Variants in SGCD observed in about 807,000 individuals in gnomAD.
The protein encoded by SGCD is sarcoglycan delta.
A neutral mutation model predicts 36.6 loss-of-function variants in SGCD; 18 were observed. The observed-to-expected ratio is 0.49, with a 90% CI of 0.34 to 0.73. The LOEUF (loss-of-function observed/expected upper bound fraction) is 0.73, where lower values mean the gene tolerates loss of function less well. SGCD is among the 30% of genes least tolerant of loss of function. SGCD has a pLI of 0.01. For synonymous variants in SGCD, 133 were observed against 130.6 expected, an observed-to-expected ratio of 1.02 and a Z score of -0.12; for missense variants, 387 against 346.7, an observed-to-expected ratio of 1.12 and a Z score of -0.92.
chr5:156,004,597 C>T (rs1051069307), intron 1 of SGCD, among the ~76,000 whole-genome samples: 16 of 152,096 alleles, frequency 1.1e-4, no homozygotes, highest in South Asian at 2.1e-4. Flanking sequence ...ACTTTAAAGC[C>T]CAAGTACTTT....
chr5:156,068,584 T>C (rs145210901), intron 1 of SGCD, among the ~76,000 whole-genome samples: 6 of 151,616 alleles, frequency 4.0e-5, no homozygotes, highest in African/African-American at 9.7e-5. Context: ...AGTATACATA[T>C]GTGTGCATGT....
chr5:155,905,444 G>A (rs1471665104), intron 1 of SGCD, among the ~76,000 whole-genome samples: 1 of 152,140 alleles, frequency 6.6e-6, no homozygotes. Context: ...TGGTCTTAGA[G>A]GGACTCTTAG....
intron 2 of SGCD, among the ~76,000 whole-genome samples, chr5:156,337,493 A>C (rs540434142): frequency 3.3e-5 from 5 of 152,038 alleles, no homozygotes; most frequent in African/African-American, 1.2e-4. Flanking sequence ...AGCTCATTCA[A>C]TCCAACTCTT....
chr5:156,737,922 A>T (rs1230515682), intron 7 of SGCD, among the ~76,000 whole-genome samples: 1 of 152,128 alleles, frequency 6.6e-6, no homozygotes, highest in African/African-American at 2.4e-5. Context: ...CCTAATCCAG[A>T]GCTCCTTCTA....
intron 1 of SGCD, among the ~76,000 whole-genome samples, chr5:155,894,879 A>T (rs1380650712): frequency 2.6e-5 from 4 of 152,202 alleles, no homozygotes; most frequent in Non-Finnish European, 5.9e-5. Context: ...GAAATAAAGT[A>T]CACGATAAAC....
chr5:156,755,957 C>G (rs934533052), intron 7 of SGCD, among the ~76,000 whole-genome samples: 1 of 152,096 alleles, frequency 6.6e-6, no homozygotes, highest in Non-Finnish European at 1.5e-5. Context: ...GGGGGTTGCT[C>G]CGTAGTGGAT....
intron 1 of SGCD, among the ~76,000 whole-genome samples, chr5:156,069,932 G>C (rs1760485095): frequency 6.6e-6 from 1 of 152,092 alleles, no homozygotes; most frequent in East Asian, 1.9e-4. Flanking sequence ...CTCTCTGTTT[G>C]TCTGTTATTG....
the SGCD span, among the ~76,000 whole-genome samples, chr5:155,733,403 T>A: frequency 6.6e-6 from 1 of 152,216 alleles, no homozygotes; most frequent in Non-Finnish European, 1.5e-5. Flanking sequence ...ACCAGACATC[T>A]TGTCCAGCAA....
At chr5:156,196,590 A>G (rs1764030244) in intron 3 of SGCD, among the ~76,000 whole-genome samples, 1 of 152,236 alleles carries the variant, frequency 6.6e-6, no homozygotes, top group Non-Finnish European at 1.5e-5. Flanking sequence ...TGACTTTAAT[A>G]TAATTTGGAA....
At chr5:156,323,085 A>G (rs937269358), upstream of SGCD, among the ~76,000 whole-genome samples, 3 of 152,212 alleles carry the variant, frequency 2.0e-5, no homozygotes, top group Non-Finnish European at 4.4e-5. Flanking sequence ...CCTGAACATC[A>G]TCGACATAAA....
At chr5:156,313,871 G>A (rs754417183) in intron 3 of SGCD, among the ~76,000 whole-genome samples, 13 of 152,114 alleles carry the variant, frequency 8.5e-5, no homozygotes, top group Non-Finnish European at 1.9e-4. Context: ...TAAAAATGCT[G>A]TTCATTTTAG....
At chr5:156,582,591 C>T (rs1394624953) in intron 4 of SGCD, among the ~76,000 whole-genome samples, 2 of 152,220 alleles carry the variant, frequency 1.3e-5, no homozygotes, top group African/African-American at 2.4e-5. Flanking sequence ...CCCAGTTAAC[C>T]CTCTTATCTG....
In SGCD at chr5:156,712,265, A is replaced by G. The variant is rs532205014; in HGVS notation, c.576-45316A>G. Among the ~76,000 whole-genome samples, 45 of 152,242 alleles carry G rather than the reference A, an allele frequency of 3.0e-4. No homozygotes were observed. In the South Asian group the frequency reaches 8.3e-3, roughly 28 times the overall value. On this transcript the variant is annotated intron_variant, in intron 7 of 8. Transcript: ENST00000337851. ...AGTTGCTCTGGTTTAAATGCCTCAG[A>G]CAGAGTCATGACAGCCTTATGTATT...
intron 6 of SGCD, among the ~76,000 whole-genome samples, chr5:156,599,932 T>C (rs1217989594): frequency 6.6e-6 from 1 of 152,232 alleles, no homozygotes; most frequent in Non-Finnish European, 1.5e-5. Flanking sequence ...TGCTCTGTGC[T>C]GTTGGGAGTA....
intron 1 of SGCD, among the ~76,000 whole-genome samples, chr5:156,029,706 G>A (rs76512948): frequency 0.018 from 2,815 of 152,220 alleles, 89 homozygotes; most frequent in African/African-American, 0.064. Context: ...AAGAACAAGT[G>A]ATGGATCATT....
At chr5:156,418,174 G>T (rs1224350501) in intron 3 of SGCD, among the ~76,000 whole-genome samples, 6 of 152,178 alleles carry the variant, frequency 3.9e-5, no homozygotes, top group African/African-American at 1.2e-4. Flanking sequence ...GAGGTCTTCG[G>T]ACTCCCAATA....
chr5:155,836,727 T>C, the SGCD span, among the ~76,000 whole-genome samples: 1 of 152,206 alleles, frequency 6.6e-6, no homozygotes, highest in African/African-American at 2.4e-5. Flanking sequence ...TATTTTTCCT[T>C]GTTCTCCTGC....
At chr5:156,181,124 G>T (rs1763596060) in intron 3 of SGCD, among the ~76,000 whole-genome samples, 1 of 152,158 alleles carries the variant, frequency 6.6e-6, no homozygotes, top group South Asian at 2.1e-4. Flanking sequence ...GAGAAACCTT[G>T]GTTCTGAAGC....
At chr5:155,821,200 T>C in the SGCD span, among the ~76,000 whole-genome samples, 167 of 152,318 alleles carry the variant, frequency 1.1e-3, 5 homozygotes, top group East Asian at 0.029. Flanking sequence ...GTATCCCAAG[T>C]CTTCAGAGGC....
Sources: allele counts gnomAD v4.1 joint callset (sites outside exome capture counted in the v4.1 genomes callset), GRCh38; gene constraint gnomAD v4.1.1; transcripts MANE v1.5; gene names NCBI Gene and HGNC (gene_info 2026-07-23, HGNC 2026-07-21).